PLA2G4A: variants seen among roughly 807,000 people sequenced by gnomAD.
The protein encoded by PLA2G4A is phospholipase A2 group IVA.
PLA2G4A carries 40 observed loss-of-function variants against 81.9 expected under a neutral mutation model. That is an observed-to-expected ratio of 0.49 (90% CI 0.38 to 0.64). The LOEUF is 0.64. Ranked by LOEUF, PLA2G4A falls within the 30% of genes least tolerant of loss-of-function variation. PLA2G4A has a pLI of 0.00. For missense variants in PLA2G4A, 715 were observed against 905.1 expected (o/e 0.79, Z 2.69); for synonymous variants, 302 against 296.9 (o/e 1.02, Z -0.18).
chr1:186,937,458 C>T (rs904900192), intron 8 of PLA2G4A, among the ~76,000 whole-genome samples: 7 of 151,778 alleles, frequency 4.6e-5, no homozygotes, highest in African/African-American at 1.2e-4. Context: ...ATAGATATTT[C>T]GTGATTATAC....
chr1:186,970,173 C>T (rs1462767513), intron 15 of PLA2G4A, among the ~76,000 whole-genome samples: 3 of 152,020 alleles, frequency 2.0e-5, no homozygotes, highest in Non-Finnish European at 2.9e-5. Context: ...TGATGTTAAA[C>T]ATTTTTTCAT....
chr1:186,983,093 A>G (rs1036987388), intron 17 of PLA2G4A, among the ~76,000 whole-genome samples: 9 of 150,360 alleles, frequency 6.0e-5, no homozygotes, highest in Admixed American at 2.6e-4. Flanking sequence ...CAAAAAAAAA[A>G]AAAAAAGAAA....
Position 186,988,634 on chromosome 1 carries a change from G to T in PLA2G4A, c.*126G>T. On this transcript the variant is annotated 3_prime_UTR_variant, in exon 18 of 18. Transcript: ENST00000367466. ...GAGAGACTGGCTGATACTCAAAGTT[G>T]CAGTTACTTAGCTGCATGAGAATAA... is the stretch of plus-strand genomic sequence containing the variant. 1 of 825,760 alleles carries T rather than the reference G, an allele frequency of 1.2e-6. No homozygotes were observed. The highest frequency in any genetic ancestry group is 2.1e-6 in the Non-Finnish European group (1 of 482,860). The allele number at this position is 825,760 out of a possible 1,614,324, so 51.2% of individuals were successfully genotyped here. A position where few individuals can be genotyped will look rare whatever the true frequency, so the allele number is the denominator to read the frequency against.
intron 14 of PLA2G4A, among the ~76,000 whole-genome samples, chr1:186,962,972 CAATTT>C (rs1657013415): frequency 2.0e-5 from 3 of 152,150 alleles, no homozygotes; most frequent in Non-Finnish European, 4.4e-5. Context: ...TGAAAATAGA[CAATTT>C]ATTTTACCTC....
chr1:186,915,237 C>T (rs1047354755), intron 7 of PLA2G4A, among the ~76,000 whole-genome samples: 1 of 152,092 alleles, frequency 6.6e-6, no homozygotes, highest in Non-Finnish European at 1.5e-5. Context: ...TTAAATTTCC[C>T]ACAGACCCCT....
chr1:186,956,297 C>T lies in PLA2G4A; in HGVS notation c.1532C>T (p.Ala511Val). The T allele has an allele frequency of 6.2e-7, 1 of 1,613,344 alleles. No homozygotes were observed. ...CCACTGTCTCCTTTGAGTGACTTTG[C>T]CACACAGGACTCCTTTGATGATGAT... ...SYPLSPLSDFATQDSFDDDEL... is the reference protein window; with the variant it reads ...SYPLSPLSDFVTQDSFDDDEL... The change falls in exon 14 of 18, where the codon GCC becomes GTC. Residue 511 changes from alanine to valine, a missense_variant. Physicochemically the swap from Ala to Val is moderately conservative, Grantham distance 64. Transcript: ENST00000367466.
chr1:186,965,706 C>G, intron 15 of PLA2G4A, 113 bp downstream of exon 15: 1 of 805,730 alleles, frequency 1.2e-6, no homozygotes, highest in Non-Finnish European at 2.2e-6. Flanking sequence ...TTTTCTACAT[C>G]TTTATGAGTA....
At chr1:186,928,088 A>T (rs1557878314) in intron 7 of PLA2G4A, among the ~76,000 whole-genome samples, 1 of 152,052 alleles carries the variant, frequency 6.6e-6, no homozygotes, top group Non-Finnish European at 1.5e-5. Context: ...AATTTTTCTT[A>T]TCTGAGGAAG....
intron 7 of PLA2G4A, among the ~76,000 whole-genome samples, chr1:186,929,552 A>G (rs1025116488): frequency 5.9e-5 from 9 of 152,180 alleles, no homozygotes; most frequent in African/African-American, 2.4e-5. Context: ...ATTCTTATAT[A>G]TAAGTAAACT....
intron 6 of PLA2G4A, among the ~76,000 whole-genome samples, chr1:186,909,187 G>A (rs975907311): frequency 2.7e-5 from 4 of 149,732 alleles, no homozygotes; most frequent in Non-Finnish European, 5.9e-5. Context: ...TGTTAGCTAG[G>A]ATGGTCTCGA....
At chr1:186,917,991 G>A (rs1369743478) in intron 7 of PLA2G4A, among the ~76,000 whole-genome samples, 4 of 152,182 alleles carry the variant, frequency 2.6e-5, no homozygotes, top group Admixed American at 2.6e-4. Flanking sequence ...GAGTGGTTTC[G>A]TGCATGGCCA....
At chr1:186,910,531 A>G (rs1654902332) in intron 6 of PLA2G4A, among the ~76,000 whole-genome samples, 1 of 152,120 alleles carries the variant, frequency 6.6e-6, no homozygotes, top group African/African-American at 2.4e-5. Flanking sequence ...AAGCTGCAAT[A>G]TATAATAATA....
intron 1 of PLA2G4A, among the ~76,000 whole-genome samples, chr1:186,836,631 T>A (rs929042049): frequency 3.3e-5 from 5 of 152,192 alleles, no homozygotes; most frequent in African/African-American, 1.2e-4. Flanking sequence ...GCCTCCTATG[T>A]CAAGAAATGC....
intron 3 of PLA2G4A, among the ~76,000 whole-genome samples, chr1:186,880,560 C>A (rs1462338922): frequency 6.6e-6 from 1 of 151,728 alleles, no homozygotes; most frequent in Non-Finnish European, 1.5e-5. Context: ...AGGGACAACA[C>A]CATAGAGCAA....
At chr1:186,830,204 A>T (rs1322405703) in intron 1 of PLA2G4A, among the ~76,000 whole-genome samples, 1 of 152,256 alleles carries the variant, frequency 6.6e-6, no homozygotes, top group African/African-American at 2.4e-5. Context: ...TGTGAAATGC[A>T]TAGAGAAGTG....
At chr1:186,908,938 T>C (rs144547382) in intron 6 of PLA2G4A, among the ~76,000 whole-genome samples, 1 of 150,916 alleles carries the variant, frequency 6.6e-6, no homozygotes, top group Non-Finnish European at 1.5e-5. Flanking sequence ...GAGGCAACTG[T>C]ACAGGTAAGA....
chr1:186,837,736 C>CAAAAAAA (rs750655561), intron 1 of PLA2G4A, among the ~76,000 whole-genome samples: 1,401 of 54,948 alleles, frequency 0.025, 154 homozygotes, highest in African/African-American at 0.052. Context: ...GACTCCGTCT[C>CAAAAAAA]AAAAAAAAAA....
chr1:186,869,284 CTT>C (rs1653152865), intron 2 of PLA2G4A, among the ~76,000 whole-genome samples: 1 of 152,122 alleles, frequency 6.6e-6, no homozygotes, highest in African/African-American at 2.4e-5. Flanking sequence ...TATAATAAAA[CTT>C]TGGCTACTCA....
At chr1:186,963,591 C>CA (rs1325978461) in intron 14 of PLA2G4A, among the ~76,000 whole-genome samples, 1 of 152,186 alleles carries the variant, frequency 6.6e-6, no homozygotes, top group Non-Finnish European at 1.5e-5. Flanking sequence ...TTATTCAAGA[C>CA]CGTTATTCAC....
Sources: allele counts gnomAD v4.1 joint callset (sites outside exome capture counted in the v4.1 genomes callset), GRCh38; gene constraint gnomAD v4.1.1; transcripts MANE v1.5; gene names NCBI Gene and HGNC (gene_info 2026-07-23, HGNC 2026-07-21).